Variants in ZBTB20 observed in about 807,000 individuals in gnomAD.
ZBTB20 encodes the protein zinc finger and BTB domain-containing protein 20.
ZBTB20 carries 9 observed loss-of-function variants against 56.9 expected under a neutral mutation model. The observed-to-expected ratio is 0.16, with a 90% CI of 0.10 to 0.28. The LOEUF is 0.28. ZBTB20 is among the 10% of genes least tolerant of loss of function. The probability of loss-of-function intolerance (pLI) is 1.00; values close to 1 mark genes in which losing one functional copy is unlikely to be tolerated. For synonymous variants in ZBTB20, 417 were observed against 420.7 expected (o/e 0.99, Z 0.11); for missense variants, 655 against 1,003.0 (o/e 0.65, Z 4.69).
chr3:114,974,593 C>T (rs1317039575), intron 2 of ZBTB20, among the ~76,000 whole-genome samples, 177 bp from the exon 3 acceptor site: 1 of 152,086 alleles, frequency 6.6e-6, no homozygotes, highest in Non-Finnish European at 1.5e-5. Context: ...TAAAACGTGG[C>T]CCAAATATAC....
At chr3:115,070,094 T>A (rs1303411663) in intron 2 of ZBTB20, among the ~76,000 whole-genome samples, 1 of 152,128 alleles carries the variant, frequency 6.6e-6, no homozygotes, top group Non-Finnish European at 1.5e-5. Context: ...GTATCACCTA[T>A]GATTTCCTGT....
chr3:114,344,142 C>A (rs897683083), intron 11 of ZBTB20, among the ~76,000 whole-genome samples: 1 of 152,180 alleles, frequency 6.6e-6, no homozygotes, highest in African/African-American at 2.4e-5. Context: ...ATCCTGTTGC[C>A]AGCTTGGACT....
intron 10 of ZBTB20, among the ~76,000 whole-genome samples, chr3:114,372,735 C>G (rs2083176238): frequency 6.6e-6 from 1 of 151,968 alleles, no homozygotes; most frequent in Non-Finnish European, 1.5e-5. Flanking sequence ...TTCCCAGCTA[C>G]TCAGGAGGCT....
chr3:114,788,865 A>C (rs887471925), intron 5 of ZBTB20, among the ~76,000 whole-genome samples: 1 of 152,186 alleles, frequency 6.6e-6, no homozygotes, highest in Non-Finnish European at 1.5e-5. Context: ...GAGCAAAGAC[A>C]TGTCTTATAT....
At chr3:114,450,940 C>A (rs1462688786) in intron 7 of ZBTB20, among the ~76,000 whole-genome samples, 1 of 151,992 alleles carries the variant, frequency 6.6e-6, no homozygotes, top group Non-Finnish European at 1.5e-5. Flanking sequence ...GTATGAATTG[C>A]AGTAGAAATG....
At chr3:114,377,056 C>T (rs932512594) in intron 10 of ZBTB20, among the ~76,000 whole-genome samples, 7 of 152,192 alleles carry the variant, frequency 4.6e-5, no homozygotes, top group Non-Finnish European at 1.0e-4. Flanking sequence ...GCTTTACTGA[C>T]TTGGTTTAGT....
At chr3:114,869,222 T>C (rs2075891031) in intron 4 of ZBTB20, among the ~76,000 whole-genome samples, 1 of 152,144 alleles carries the variant, frequency 6.6e-6, no homozygotes, top group African/African-American at 2.4e-5. Flanking sequence ...TCCTCAAAAC[T>C]CCTTAGAAGC....
chr3:115,140,488 T>A (rs1425955760), intron 1 of ZBTB20, among the ~76,000 whole-genome samples: 3 of 152,068 alleles, frequency 2.0e-5, no homozygotes, highest in Non-Finnish European at 2.9e-5. Context: ...GGCCATTTTC[T>A]TTTGTCTAAA....
intron 1 of ZBTB20, among the ~76,000 whole-genome samples, chr3:115,101,003 C>T (rs1448704380): frequency 2.0e-5 from 3 of 152,140 alleles, no homozygotes; most frequent in Non-Finnish European, 4.4e-5. Flanking sequence ...AAATTACAGA[C>T]CAAAACAGAA....
In ZBTB20 at chr3:114,947,247, T is replaced by A. The variant is rs573203773; in HGVS notation, c.-456+27119A>T. Among the ~76,000 whole-genome samples the A allele has an allele frequency of 1.7e-4, 25 of 146,094 alleles. 1 individual carries two copies. The highest frequency in any genetic ancestry group is 3.2e-4 in the Non-Finnish European group (22 of 67,774). ...ACTACAATCACTATAGAAAACAATA[T>A]GGAGATTTCTCAAAGAACCAAAAAT... On this transcript the variant is annotated intron_variant, in intron 3 of 11. Coordinates refer to ENST00000675478, the MANE Select transcript of ZBTB20 (RefSeq NM_001348800.3).
chr3:115,052,556 G>A (rs1241623885), intron 2 of ZBTB20, among the ~76,000 whole-genome samples: 1 of 152,002 alleles, frequency 6.6e-6, no homozygotes, highest in Admixed American at 6.6e-5. Context: ...ACTAATAAAT[G>A]GAAATTCGTC....
At position 114,585,534 on chromosome 3, in the gene ZBTB20, T is replaced by C. The variant is rs573935858; in HGVS notation, c.-294-85143A>G. ...GAAATCTATTTCTGTGCAGTTCATT[T>C]TACCCCTGCAAGAACAATCTTTGAA... is the stretch of plus-strand genomic sequence containing the variant. On this transcript the variant is annotated intron_variant, in intron 6 of 11. Coordinates refer to ENST00000675478, the MANE Select transcript of ZBTB20 (RefSeq NM_001348800.3). 3.3e-5 allele frequency among the ~76,000 whole-genome samples: 5 copies of C among 152,324 alleles called. No homozygotes were observed. In the South Asian group the frequency reaches 1.0e-3, roughly 32 times the overall value.
intron 7 of ZBTB20, among the ~76,000 whole-genome samples, chr3:114,428,216 T>G (rs1254976862): frequency 8.6e-5 from 13 of 151,802 alleles, no homozygotes; most frequent in Non-Finnish European, 7.4e-5. Flanking sequence ...ACGAACCAAA[T>G]CAACATATTA....
intron 2 of ZBTB20, among the ~76,000 whole-genome samples, chr3:114,992,087 T>G (rs2078840503): frequency 1.3e-5 from 2 of 152,024 alleles, no homozygotes; most frequent in Non-Finnish European, 2.9e-5. Flanking sequence ...TCTCTCTTTC[T>G]GTCTTTTTTA....
At chr3:114,542,274 G>T (rs1485604707) in intron 6 of ZBTB20, among the ~76,000 whole-genome samples, 1 of 152,118 alleles carries the variant, frequency 6.6e-6, no homozygotes, top group Non-Finnish European at 1.5e-5. Flanking sequence ...AAACATTTGT[G>T]TCTAAATAGA....
intron 10 of ZBTB20, among the ~76,000 whole-genome samples, chr3:114,352,759 T>C (rs1355257527): frequency 6.6e-6 from 1 of 152,218 alleles, no homozygotes; most frequent in East Asian, 1.9e-4. Context: ...GGTGATCATA[T>C]TTATTATGCA....
intron 4 of ZBTB20, among the ~76,000 whole-genome samples, chr3:114,842,400 T>C (rs2074420448): frequency 6.6e-6 from 1 of 152,172 alleles, no homozygotes; most frequent in African/African-American, 2.4e-5. Flanking sequence ...ACCTCCCTCA[T>C]CTCTACCTTA....
At chr3:114,753,307 T>G (rs2067711539) in intron 5 of ZBTB20, among the ~76,000 whole-genome samples, 1 of 142,854 alleles carries the variant, frequency 7.0e-6, no homozygotes. Context: ...CCTGTATATA[T>G]AATGTATATA....
At chr3:114,985,334 T>C (rs1032790461) in intron 2 of ZBTB20, among the ~76,000 whole-genome samples, 2 of 152,056 alleles carry the variant, frequency 1.3e-5, no homozygotes, top group African/African-American at 4.8e-5. Flanking sequence ...TTCAGTTGAA[T>C]CCTAGGATGA....
Sources: gnomAD v4.1 joint callset for allele counts (sites outside exome capture counted in the v4.1 genomes callset) on GRCh38, gnomAD v4.1.1 for gene constraint, MANE v1.5 for transcripts, NCBI Gene and HGNC (gene_info 2026-07-23, HGNC 2026-07-21) for gene names.